The following EPHA10 variants were observed in gnomAD, a reference collection of about 807,000 sequenced individuals.
EPHA10 encodes the protein EPH receptor A10.
A neutral mutation model predicts 109.7 loss-of-function variants in EPHA10; 120 were observed. The ratio of observed to expected loss-of-function variants is 1.09; its 90% CI spans 0.94 to 1.27. The LOEUF (loss-of-function observed/expected upper bound fraction) is 1.27. Ranked by LOEUF, EPHA10 falls within the 50% of genes most tolerant of loss-of-function variation. The pLI is 0.00. For missense variants in EPHA10, 1,396 were observed against 1,411.1 expected (o/e 0.99, Z 0.17); for synonymous variants, 640 against 618.9 (o/e 1.03, Z -0.51).
intron 6 of EPHA10, chr1:37,734,645 T>C (rs1371697658): frequency 2.2e-6 from 1 of 456,100 alleles, no homozygotes; most frequent in South Asian, 1.5e-5. Flanking sequence ...AACCACAGAT[T>C]GACAATGGAT....
At chr1:37,725,683 G>A (rs542490538) in intron 8 of EPHA10, among the ~76,000 whole-genome samples, 3 of 152,228 alleles carry the variant, frequency 2.0e-5, no homozygotes, top group East Asian at 1.9e-4. Context: ...GGACTTCCAC[G>A]AATGAGGAGC....
intron 3 of EPHA10, among the ~76,000 whole-genome samples, chr1:37,758,084 AG>A (rs1265791652): frequency 7.9e-5 from 12 of 152,236 alleles, no homozygotes; most frequent in African/African-American, 2.9e-4. Context: ...AGCAGTAAAA[AG>A]TGGCCCATTT....
chr1:37,720,337 G>A lies in EPHA10; in HGVS notation c.2412+14C>T. 1 of 1,585,634 alleles carries A rather than the reference G, an allele frequency of 6.3e-7. No homozygotes were observed. Among genetic ancestry groups the A allele is most frequent in the Non-Finnish European group, 8.6e-7 (1 of 1,165,922 alleles). ...CCAGAAGGCACAGGCAGGCTTGGCT[G>A]GGGGCGCCCTCACCATAGTGGTGTA... is the stretch of plus-strand genomic sequence containing the variant. On this transcript the variant is annotated intron_variant, in intron 13 of 16. Coordinates refer to ENST00000373048, the MANE Select transcript of EPHA10 (RefSeq NM_001099439.2).
chr1:37,719,502 G>C lies in EPHA10; in HGVS notation c.2668C>G (p.Arg890Gly), dbSNP rs763878482. The change falls in exon 15 of 17, where the codon CGG (arginine) becomes GGG (glycine). Residue 890 changes from arginine (R) to glycine (G), a missense_variant. Physicochemically the swap from Arg to Gly is moderately radical, Grantham distance 125 (BLOSUM62 -2). Transcript: ENST00000373048. ...CTGTGGATCTGGGAGAACCTGGGCC[G>C]CTCACCTGGGTCCTTCTGCCAGCAG... ...LDCWQKDPGE[R>G]PRFSQIHSIL... 1.2e-6 allele frequency: 2 copies of C among 1,613,984 alleles called. No individual in the cohort carries two copies. The highest frequency in any genetic ancestry group is 3.3e-5 in the Admixed American group (2 of 60,006).
At position 37,718,271 on chromosome 1, in the gene EPHA10, G is replaced by C; in HGVS notation, c.*101C>G. 1 of 998,458 alleles carries C rather than the reference G, an allele frequency of 1.0e-6. No homozygotes were observed. Among genetic ancestry groups the C allele is most frequent in the Non-Finnish European group, 1.5e-6 (1 of 663,640 alleles). The allele number at this position is 998,458 out of a possible 1,614,324, so 61.8% of individuals were successfully genotyped here. A position where few individuals can be genotyped will look rare whatever the true frequency, so the allele number is the denominator to read the frequency against. ...CTGGGCCCAAGCAGAGGAAGAGAGC[G>C]CTCCCTCCCACACTGCTGGAGCGCA... On this transcript the variant is annotated 3_prime_UTR_variant, in exon 17 of 17. Coordinates refer to ENST00000373048, the MANE Select transcript of EPHA10 (RefSeq NM_001099439.2).
intron 7 of EPHA10, among the ~76,000 whole-genome samples, chr1:37,729,269 C>A (rs1645942794): frequency 6.6e-6 from 1 of 152,152 alleles, no homozygotes. Context: ...TTGGAAGAGA[C>A]CCTAAGTCAC....
At chr1:37,759,170 C>A (rs56351114) in intron 3 of EPHA10, among the ~76,000 whole-genome samples, 33,772 of 152,068 alleles carry the variant, frequency 0.22, 4,387 homozygotes, top group Non-Finnish European at 0.28. Flanking sequence ...CAAATCTGAG[C>A]ATGTCAGATC....
At chr1:37,732,860 G>GTTCTTTTTTT (rs1557541369) in intron 6 of EPHA10, among the ~76,000 whole-genome samples, 1 of 25,792 alleles carries the variant, frequency 3.9e-5, no homozygotes. Context: ...TTTTATACTT[G>GTTCTTTTTTT]TTCTTTTTTT....
In EPHA10 at chr1:37,764,951, G is replaced by A. The variant is rs768487199; in HGVS notation, c.106+10C>T. ...GCCACGCTCCGAGCAGAGCTCACCA[G>A]TCTTCTCACCTTCCTCGGCGGTCCC... On this transcript the variant is annotated intron_variant, in intron 1 of 16. Coordinates refer to ENST00000373048, the MANE Select transcript of EPHA10 (RefSeq NM_001099439.2). The surrounding 1 kb of genome is among the most constrained non-coding windows in gnomAD (Gnocchi z 5.8). 1 of 1,599,660 alleles carries A rather than the reference G, an allele frequency of 6.3e-7. No homozygotes were observed. Among genetic ancestry groups the A allele is most frequent in the Non-Finnish European group, 8.5e-7 (1 of 1,174,266 alleles).
intron 5 of EPHA10, among the ~76,000 whole-genome samples, chr1:37,751,201 C>CAAAAAAAAAAAAAAAAAAAAAAAAAA (rs1320111085): frequency 2.2e-5 from 1 of 46,126 alleles, no homozygotes; most frequent in Non-Finnish European, 4.1e-5. Flanking sequence ...AGACTCCTCT[C>CAAAAAAAAAAAAAAAAAAAAAAAAAA]AAAAAAAAAA....
downstream of EPHA10, among the ~76,000 whole-genome samples, chr1:37,715,276 C>G (rs1392710908): frequency 6.6e-6 from 1 of 152,074 alleles, no homozygotes; most frequent in African/African-American, 2.4e-5. Context: ...GTGATCTACC[C>G]ACCTCAACCT....
In EPHA10 at chr1:37,754,064, C is replaced by G. The variant is rs550939997; in HGVS notation, c.1006+151G>C. On this transcript the variant is annotated intron_variant, in intron 4 of 16. Coordinates refer to ENST00000373048, the MANE Select transcript of EPHA10 (RefSeq NM_001099439.2). This position sits in a 1 kb window ranked among gnomAD's most constrained non-coding sequence, Gnocchi z 4.5. ...AGGGCGCGTCCAGGCTCCGCTCCCC[C>G]GTACGCCGCCTTCCGGGGCGCTGGC... 1.1e-5 allele frequency: 10 copies of G among 898,416 alleles called. No homozygotes were observed. Among genetic ancestry groups the G allele is most frequent in the African/African-American group, 8.6e-5 (5 of 57,844 alleles). 55.7% of individuals were successfully genotyped at this position (898,416 alleles called of 1,614,324 possible). A position where few individuals can be genotyped will look rare whatever the true frequency, so the allele number is the denominator to read the frequency against.
Position 37,720,371 on chromosome 1 carries a change from C to T in EPHA10, c.2392G>A (p.Glu798Lys), listed in dbSNP as rs368428786. Residue 798 changes from glutamate to lysine, a missense_variant, in exon 13 of 17, where the codon GAG (glutamate) becomes AAG (lysine). Transcript: ENST00000373048. ...GFGRGPRDRS[E>K]AVYTTMSGRS... ...CTCACCATAGTGGTGTAGACAGCCT[C>T]TGATCGGTCCCGGGGGCCCCGCCCG... The T allele has an allele frequency of 4.2e-5, 67 of 1,610,596 alleles. 1 individual carries two copies. Among genetic ancestry groups the T allele is most frequent in the South Asian group, 1.2e-4 (11 of 90,634 alleles).
At chr1:37,755,898 C>T (rs1168842925) in intron 3 of EPHA10, among the ~76,000 whole-genome samples, 2 of 152,182 alleles carry the variant, frequency 1.3e-5, no homozygotes, top group African/African-American at 2.4e-5. Context: ...GCTGGCTGCT[C>T]TCCAGCTCCA....
chr1:37,719,261 G>A (rs1335361203), intron 15 of EPHA10, among the ~76,000 whole-genome samples, 153 bp downstream of exon 15: 1 of 152,186 alleles, frequency 6.6e-6, no homozygotes, highest in Non-Finnish European at 1.5e-5. Flanking sequence ...GGTGGGCCTG[G>A]GCAGGCAGGC....
chr1:37,761,398 T>G lies in EPHA10; in HGVS notation c.850+7A>C, dbSNP rs771675242. 13 of 1,599,048 alleles carry G rather than the reference T, an allele frequency of 8.1e-6. No individual in the cohort carries two copies. On this transcript the variant is annotated splice_region_variant and intron_variant, in intron 3 of 16. Coordinates refer to ENST00000373048, the MANE Select transcript of EPHA10 (RefSeq NM_001099439.2). Reference sequence around the variant, plus strand: ...TCCCACCCCACGGCCCCCAGCCAACTGGATACCTTCGCAGAAGTCACCACG... The same window carrying G: ...TCCCACCCCACGGCCCCCAGCCAACGGGATACCTTCGCAGAAGTCACCACG...
intron 5 of EPHA10, among the ~76,000 whole-genome samples, chr1:37,737,456 C>G (rs1023343478): frequency 2.6e-5 from 4 of 152,200 alleles, no homozygotes; most frequent in African/African-American, 9.7e-5. Context: ...TAACTCCTCT[C>G]CATGTATGGT....
At chr1:37,746,522 G>A (rs1467091667) in intron 5 of EPHA10, among the ~76,000 whole-genome samples, 3 of 152,070 alleles carry the variant, frequency 2.0e-5, no homozygotes, top group Non-Finnish European at 4.4e-5. Flanking sequence ...GGGGTTTAGG[G>A]TTTTAACACA....
chr1:37,763,717 A>G (rs1453697464), intron 1 of EPHA10, among the ~76,000 whole-genome samples: 2 of 152,088 alleles, frequency 1.3e-5, no homozygotes, highest in East Asian at 1.9e-4. Flanking sequence ...ATTCCTGTAT[A>G]TACCCCCCAA....
Sources: gnomAD v4.1 joint callset for allele counts (sites outside exome capture counted in the v4.1 genomes callset) on GRCh38, gnomAD v4.1.1 for gene constraint, Gnocchi (gnomAD v3.1) non-coding constraint, MANE v1.5 for transcripts, NCBI Gene and HGNC (gene_info 2026-07-23, HGNC 2026-07-21) for gene names.